The following DBF4B variants were observed in gnomAD, a reference collection of about 807,000 sequenced individuals.
DBF4B encodes DBF4B-CDC7 kinase regulatory subunit, also known as protein DBF4 homolog B.
Under a neutral mutation model 53.4 loss-of-function variants are expected in DBF4B, and 49 were observed. The ratio of observed to expected loss-of-function variants is 0.92; its 90% CI spans 0.73 to 1.16. The LOEUF is 1.16. DBF4B is among the 50% of genes most tolerant of loss of function. The pLI is 0.00. For missense variants in DBF4B, 692 were observed against 775.0 expected, an observed-to-expected ratio of 0.89 and a Z score of 1.27; for synonymous variants, 257 against 288.7, an observed-to-expected ratio of 0.89 and a Z score of 1.11.
intron 7 of DBF4B, among the ~76,000 whole-genome samples, chr17:44,735,516 C>A (rs982630409): frequency 6.6e-6 from 1 of 151,598 alleles, no homozygotes; most frequent in African/African-American, 2.4e-5. Context: ...TACTAAAATA[C>A]AAAATTAGCC....
chr17:44,742,166 G>C (rs929948556), intron 10 of DBF4B, among the ~76,000 whole-genome samples: 4 of 152,000 alleles, frequency 2.6e-5, no homozygotes, highest in African/African-American at 9.7e-5. Flanking sequence ...ACTTTGGGAG[G>C]CTAAGGGGGC....
chr17:44,708,816 AT>A lies in DBF4B; in HGVS notation c.-2del. ...GTACGGAGGCCGAGAAGGAGCCGGC[AT>A]TTGATGAGCGAACCGGGAAAGGGTA... On this transcript the variant is annotated 5_prime_UTR_variant, in exon 1 of 14. Coordinates refer to ENST00000315005, the MANE Select transcript of DBF4B (RefSeq NM_145663.3). The A allele has an allele frequency of 6.4e-7, 1 of 1,551,600 alleles. No homozygotes were observed. Among genetic ancestry groups the A allele is most frequent in the Middle Eastern group, 1.7e-4 (1 of 5,988 alleles).
intron 2 of DBF4B, among the ~76,000 whole-genome samples, chr17:44,711,025 G>A (rs930807984): frequency 9.7e-5 from 11 of 113,440 alleles, no homozygotes; most frequent in Non-Finnish European, 1.4e-4. Flanking sequence ...TCGCTTTGTC[G>A]CCCAGGCTGG....
chr17:44,721,998 G>T (rs1293075198), intron 2 of DBF4B, among the ~76,000 whole-genome samples: 1 of 152,052 alleles, frequency 6.6e-6, no homozygotes, highest in Non-Finnish European at 1.5e-5. Flanking sequence ...GCCAGGCATG[G>T]TGGTGCATGC....
chr17:44,722,778 C>T (rs1265028943), intron 2 of DBF4B, 102 bp from the exon 3 acceptor site: 1 of 1,324,908 alleles, frequency 7.5e-7, no homozygotes, highest in South Asian at 1.4e-5. Context: ...AGGGTCTAGT[C>T]TGTGCTATTA....
intron 10 of DBF4B, among the ~76,000 whole-genome samples, chr17:44,745,843 G>T (rs6503402): frequency 0.75 from 113,856 of 152,020 alleles, 42,828 homozygotes; most frequent in African/African-American, 0.8. Context: ...TTTTGGACTT[G>T]TCGAGTTTGC....
intron 4 of DBF4B, among the ~76,000 whole-genome samples, chr17:44,730,373 G>A (rs554518834): frequency 6.6e-6 from 1 of 152,300 alleles, no homozygotes; most frequent in South Asian, 2.1e-4. Flanking sequence ...CAGAGAAGAC[G>A]TGTTGGGATT....
At chr17:44,713,713 TG>T (rs976715526) in intron 2 of DBF4B, among the ~76,000 whole-genome samples, 1 of 98,086 alleles carries the variant, frequency 1.0e-5, no homozygotes, top group Non-Finnish European at 2.0e-5. Context: ...AGATTTTCTT[TG>T]TTTTTTTATG....
chr17:44,713,034 C>CTTTT (rs979925867), intron 2 of DBF4B, among the ~76,000 whole-genome samples: 29 of 103,880 alleles, frequency 2.8e-4, no homozygotes, highest in African/African-American at 4.9e-4. Context: ...TTTGTATTGA[C>CTTTT]TTTTTTTTTT....
rs1972586904 is a variant in DBF4B at position 44,708,703 on chromosome 17, C to T, written c.-118C>T. On this transcript the variant is annotated 5_prime_UTR_variant, in exon 1 of 14. Coordinates refer to ENST00000315005, the MANE Select transcript of DBF4B (RefSeq NM_145663.3). ...GGCCGAAAACGCCAAGAGATTGATG[C>T]TGTAGCTGCCCTGAGATAACCAGGA... is the stretch of plus-strand genomic sequence containing the variant. 2.4e-6 allele frequency: 3 copies of T among 1,251,200 alleles called. No individual in the cohort carries two copies. Among genetic ancestry groups the T allele is most frequent in the East Asian group, 5.5e-5 (2 of 36,516 alleles). 77.5% of individuals were successfully genotyped at this position (1,251,200 alleles called of 1,614,324 possible). A position where few individuals can be genotyped will look rare whatever the true frequency, so the allele number is the denominator to read the frequency against.
At chr17:44,748,683 G>A in intron 13 of DBF4B, 2 of 1,440,870 alleles carry the variant, frequency 1.4e-6, no homozygotes, top group Non-Finnish European at 1.8e-6. Context: ...GCCCAGACCT[G>A]GCACTTTTTG....
chr17:44,751,893 C>T lies in DBF4B; in HGVS notation c.*640C>T, dbSNP rs1311967827. The T allele has an allele frequency of 6.5e-7, 1 of 1,536,228 alleles. No homozygotes were observed. The highest frequency in any genetic ancestry group is 1.2e-5 in the South Asian group (1 of 84,060). On this transcript the variant is annotated 3_prime_UTR_variant, in exon 14 of 14. Coordinates refer to ENST00000315005, the MANE Select transcript of DBF4B (RefSeq NM_145663.3). ...CCCTCAGTGGCCTGGTTCTCCTGTC[C>T]CCCTGCCCTTCCTCACCATTGCCCA...
chr17:44,751,762 C>T lies in DBF4B; in HGVS notation c.*509C>T. 1 of 1,480,616 alleles carries T rather than the reference C, an allele frequency of 6.8e-7. No homozygotes were observed. Among genetic ancestry groups the T allele is most frequent in the East Asian group, 2.5e-5 (1 of 39,886 alleles). 91.7% of individuals were successfully genotyped at this position (1,480,616 alleles called of 1,614,324 possible). The stretch of plus-strand genomic sequence containing the variant: ...GGGTAGCTCTGCCTGAAGCATTCCA[C>T]TAAGATCATCTATTCCAAGGTCATG... On this transcript the variant is annotated 3_prime_UTR_variant, in exon 14 of 14. Transcript: ENST00000315005.
chr17:44,739,033 C>A (rs917642529), intron 9 of DBF4B, among the ~76,000 whole-genome samples: 2 of 152,178 alleles, frequency 1.3e-5, no homozygotes, highest in African/African-American at 4.8e-5. Context: ...TTGTGTACAG[C>A]CACCTTGCTA....
Position 44,751,172 on chromosome 17 carries a change from T to C in DBF4B, c.1767T>C (p.His589=). The C allele has an allele frequency of 6.2e-7, 1 of 1,613,992 alleles. No individual in the cohort carries two copies. Among genetic ancestry groups the C allele is most frequent in the South Asian group, 1.1e-5 (1 of 91,076 alleles). The change falls in exon 14 of 14, where the codon CAT becomes CAC. Residue 589 remains histidine (H), a synonymous_variant. Transcript: ENST00000315005. ...ATCTCAATGATCATGACCTTGGACA[T>C]CTCTGCCAGGCCAAACCCCAAGGCT... is the stretch of plus-strand genomic sequence containing the variant. ...PSYLNDHDLG[H]LCQAKPQGWN...
rs752683565 is a variant in DBF4B at position 44,734,103 on chromosome 17, C to T, written c.570C>T (p.His190=). 26 of 1,614,024 alleles carry T rather than the reference C, an allele frequency of 1.6e-5. No individual in the cohort carries two copies. The highest frequency in any genetic ancestry group is 2.1e-5 in the Non-Finnish European group (25 of 1,179,898). The change falls in exon 7 of 14, where the codon CAC becomes CAT. Residue 190 remains histidine, a synonymous_variant. Transcript: ENST00000315005. The part of the protein sequence containing the change: ...RILHVDEMMM[H]VQQLSLASLC... ...TCTTCTCCACAGAAATGATGATGCA[C>T]GTGCAACAGCTGTCTCTTGCGTCTT...
At chr17:44,734,569 A>G (rs1251172955) in intron 7 of DBF4B, among the ~76,000 whole-genome samples, 1 of 152,268 alleles carries the variant, frequency 6.6e-6, no homozygotes, top group Non-Finnish European at 1.5e-5. Context: ...AGTGATTGAA[A>G]TAGCTGCCAT....
intron 2 of DBF4B, among the ~76,000 whole-genome samples, chr17:44,715,226 GT>G (rs1184176711): frequency 6.6e-6 from 1 of 151,604 alleles, no homozygotes; most frequent in Admixed American, 6.6e-5. Context: ...TTGAGACGGA[GT>G]TTTGCTCTTG....
At position 44,749,513 on chromosome 17, in the gene DBF4B, G is replaced by T; in HGVS notation, c.1189+1048G>T. Reference sequence around the variant, plus strand: ...TTGAAGTCCAGCAAGCAGCTGTCACGCTCAGCTCCATGGAGCTGACAGAGC... The same window carrying T: ...TTGAAGTCCAGCAAGCAGCTGTCACTCTCAGCTCCATGGAGCTGACAGAGC... On this transcript the variant is annotated intron_variant, in intron 13 of 13. Coordinates refer to ENST00000315005, the MANE Select transcript of DBF4B (RefSeq NM_145663.3). The surrounding 1 kb of genome is among the most constrained non-coding windows in gnomAD (Gnocchi z 4.4). 1 of 1,267,234 alleles carries T rather than the reference G, an allele frequency of 7.9e-7. No individual in the cohort carries two copies. The highest frequency in any genetic ancestry group is 1.0e-6 in the Non-Finnish European group (1 of 977,016). 78.5% of individuals were successfully genotyped at this position (1,267,234 alleles called of 1,614,324 possible). A position where few individuals can be genotyped will look rare whatever the true frequency, so the allele number is the denominator to read the frequency against.
Sources: gnomAD v4.1 joint callset for allele counts (sites outside exome capture counted in the v4.1 genomes callset) on GRCh38, gnomAD v4.1.1 for gene constraint, Gnocchi (gnomAD v3.1) non-coding constraint, MANE v1.5 for transcripts, NCBI Gene and HGNC (gene_info 2026-07-23, HGNC 2026-07-21) for gene names.